The following CELF2 variants were observed in gnomAD, a reference collection of about 807,000 sequenced individuals.
CELF2 encodes CUG triplet repeat RNA-binding protein 2.
In CELF2, 8 loss-of-function variants were observed where a neutral mutation model predicts 62.6. The ratio of observed to expected loss-of-function variants is 0.13; its 90% confidence interval spans 0.07 to 0.23. The LOEUF (loss-of-function observed/expected upper bound fraction) is 0.23. Ranked by LOEUF, CELF2 falls within the 10% of genes least tolerant of loss-of-function variation. CELF2 has a pLI of 1.00. For missense variants in CELF2, 333 were observed against 671.0 expected, an observed-to-expected ratio of 0.50 and a Z score of 5.56; for synonymous variants, 258 against 250.0, an observed-to-expected ratio of 1.03 and a Z score of -0.30.
the CELF2 span, among the ~76,000 whole-genome samples, chr10:10,716,385 A>G: frequency 6.6e-6 from 1 of 152,278 alleles, no homozygotes; most frequent in South Asian, 2.1e-4. Flanking sequence ...TACTAAAACT[A>G]TAAAAATTAG....
At chr10:10,476,325 G>A in the CELF2 span, among the ~76,000 whole-genome samples, 1 of 152,118 alleles carries the variant, frequency 6.6e-6, no homozygotes, top group African/African-American at 2.4e-5. Context: ...TTACTATCAA[G>A]AAGGTATTTG....
intron 3 of CELF2, among the ~76,000 whole-genome samples, chr10:11,234,058 C>T (rs745317825): frequency 8.5e-5 from 13 of 152,210 alleles, no homozygotes; most frequent in Non-Finnish European, 1.8e-4. Context: ...TCTTCAGCTT[C>T]TGGGACATTT....
rs186594800 is a variant in CELF2, at chr10:11,261,328, C to A, written c.538+3456C>A. On this transcript the variant is annotated intron_variant, in intron 5 of 12. Coordinates refer to ENST00000633077, the MANE Select transcript of CELF2 (RefSeq NM_001326342.2). ...CTGAGGTTTCACCAGGCTAGTTGAC[C>A]CAGTACCCCCACTGTGTCAGAGAGG... Among the ~76,000 whole-genome samples the A allele has an allele frequency of 5.8e-4, 89 of 152,180 alleles. 1 individual carries two copies. Among genetic ancestry groups the A allele is most frequent in the African/African-American group, 1.8e-3 (75 of 41,496 alleles).
the CELF2 span, among the ~76,000 whole-genome samples, chr10:10,726,145 C>T: frequency 6.6e-6 from 1 of 151,980 alleles, no homozygotes; most frequent in Non-Finnish European, 1.5e-5. Flanking sequence ...ACTGAGGACA[C>T]CAACACACCT....
At chr10:10,806,452 C>G (rs1371515060) in intron 1 of CELF2, among the ~76,000 whole-genome samples, 1 of 152,194 alleles carries the variant, frequency 6.6e-6, no homozygotes, top group African/African-American at 2.4e-5. Context: ...GATCTGCCTG[C>G]CTTGGCCTCC....
intron 1 of CELF2, among the ~76,000 whole-genome samples, chr10:10,831,229 C>T (rs1469462407): frequency 2.0e-5 from 3 of 152,198 alleles, no homozygotes; most frequent in Non-Finnish European, 2.9e-5. Flanking sequence ...GTGTTGACTT[C>T]GGATGGTGTC....
the CELF2 span, among the ~76,000 whole-genome samples, chr10:10,571,353 A>G: frequency 6.6e-6 from 1 of 152,226 alleles, no homozygotes; most frequent in Non-Finnish European, 1.5e-5. Context: ...GCACTGCAAG[A>G]AAGATATTGC....
chr10:11,287,126 G>A (rs7923356), intron 8 of CELF2, among the ~76,000 whole-genome samples: 3,247 of 152,186 alleles, frequency 0.021, 112 homozygotes, highest in African/African-American at 0.074. Context: ...CACACATTAC[G>A]GAAGCAGCTC....
At position 11,329,236 on chromosome 10, in the gene CELF2, T is replaced by TA; in HGVS notation, c.*187dup. ...CTTCCCCTACCCAGTTTGCCATAAT[T>TA]AAAACTTGGGCTACTTTGTTTCTAT... On this transcript the variant is annotated 3_prime_UTR_variant, in exon 13 of 13. Coordinates refer to ENST00000633077, the MANE Select transcript of CELF2 (RefSeq NM_001326342.2). This position sits in a 1 kb window ranked among gnomAD's most constrained non-coding sequence, Gnocchi z 5.5. The TA allele has an allele frequency of 2.2e-6, 1 of 459,134 alleles. No homozygotes were observed. The highest frequency in any genetic ancestry group is 2.0e-5 in the African/African-American group (1 of 49,790). 28.4% of individuals were successfully genotyped at this position (459,134 alleles called of 1,614,324 possible). A position where few individuals can be genotyped will look rare whatever the true frequency, so the allele number is the denominator to read the frequency against.
the CELF2 span, among the ~76,000 whole-genome samples, chr10:10,664,713 C>T: frequency 6.6e-6 from 1 of 152,114 alleles, no homozygotes; most frequent in South Asian, 2.1e-4. Flanking sequence ...ATACAGAAAA[C>T]GTAAGAGAAA....
intron 1 of CELF2, among the ~76,000 whole-genome samples, chr10:10,867,476 T>C (rs1305664956): frequency 6.6e-6 from 1 of 152,240 alleles, no homozygotes; most frequent in Non-Finnish European, 1.5e-5. Context: ...TATAATATTC[T>C]GTTTTTGGAG....
At position 11,017,889 on chromosome 10, in the gene CELF2, C is replaced by A. The variant is rs891849258; in HGVS notation, c.-201C>A. 6 of 949,114 alleles carry A rather than the reference C, an allele frequency of 6.3e-6. No individual in the cohort carries two copies. Among genetic ancestry groups the A allele is most frequent in the Non-Finnish European group, 7.5e-6 (6 of 799,190 alleles). 58.8% of individuals were successfully genotyped at this position (949,114 alleles called of 1,614,324 possible). On this transcript the variant is annotated 5_prime_UTR_variant, in exon 1 of 13. The change creates a new upstream start codon in the 5' untranslated region. Coordinates refer to ENST00000633077, the MANE Select transcript of CELF2 (RefSeq NM_001326342.2). The surrounding 1 kb of genome is among the most constrained non-coding windows in gnomAD (Gnocchi z 5.5). The stretch of plus-strand genomic sequence containing the variant: ...CGAGCTCCGCCCCCGCCCGCCGCAC[C>A]TGGCGCTCGGCAGCCGGCCGCCCCG...
At chr10:11,262,273 T>C (rs894480752) in intron 5 of CELF2, among the ~76,000 whole-genome samples, 9 of 152,172 alleles carry the variant, frequency 5.9e-5, no homozygotes, top group African/African-American at 2.2e-4. Flanking sequence ...GGCTTTTGAC[T>C]ATTAAAACAT....
At chr10:10,625,635 T>A in the CELF2 span, among the ~76,000 whole-genome samples, 1 of 151,664 alleles carries the variant, frequency 6.6e-6, no homozygotes, top group Non-Finnish European at 1.5e-5. Context: ...CATTTACAAC[T>A]CAGGCTGAGT....
chr10:11,176,340 G>A (rs1324996500), intron 2 of CELF2, among the ~76,000 whole-genome samples: 1 of 152,142 alleles, frequency 6.6e-6, no homozygotes, highest in Non-Finnish European at 1.5e-5. Context: ...CATCAGCATT[G>A]CATCAAGCGG....
At chr10:10,835,143 G>GT (rs936677495) in intron 1 of CELF2, among the ~76,000 whole-genome samples, 202 of 151,996 alleles carry the variant, frequency 1.3e-3, no homozygotes, top group African/African-American at 4.6e-3. Context: ...GTGGCCAGAT[G>GT]TTTTTTTTAA....
Position 10,882,144 on chromosome 10 carries a change from G to A in CELF2, c.54-37820G>A, listed in dbSNP as rs149424595. Among the ~76,000 whole-genome samples the A allele has an allele frequency of 4.0e-3, 606 of 152,296 alleles. 1 individual carries two copies. The highest frequency in any genetic ancestry group is 0.014 in the Middle Eastern group (4 of 294). ...ACAGAATGGTTATCAACATTGTTTA[G>A]ACTGCTATTGGCTTGCATCTTGTGA... On this transcript the variant is annotated intron_variant, in intron 1 of 13. Transcript: ENST00000636488.
intron 1 of CELF2, among the ~76,000 whole-genome samples, chr10:11,099,995 G>A (rs112380500): frequency 4.6e-5 from 7 of 151,808 alleles, no homozygotes; most frequent in Non-Finnish European, 5.9e-5. Context: ...GAGGTCAGGC[G>A]TTTGAGATCA....
chr10:11,266,810 TC>T, intron 6 of CELF2, 133 bp downstream of exon 6: 1 of 613,076 alleles, frequency 1.6e-6, no homozygotes, highest in South Asian at 2.4e-5. Flanking sequence ...TTTCATTCAT[TC>T]ATTCTCATTC....
Sources: allele counts gnomAD v4.1 joint callset (sites outside exome capture counted in the v4.1 genomes callset), GRCh38; gene constraint gnomAD v4.1.1; non-coding constraint Gnocchi (gnomAD v3.1); transcripts MANE v1.5; gene names NCBI Gene and HGNC (gene_info 2026-07-23, HGNC 2026-07-21).